The following GRIK1 variants were observed in gnomAD, a reference collection of about 807,000 sequenced individuals.
GRIK1 encodes glutamate ionotropic receptor kainate type subunit 1.
GRIK1 carries 69 observed loss-of-function variants against 105.7 expected under a neutral mutation model. That is an observed-to-expected ratio of 0.65 (90% confidence interval 0.54 to 0.80). The LOEUF is 0.80. Among genes scored for constraint, GRIK1 ranks in the 30% least tolerant of loss-of-function variants. The probability of loss-of-function intolerance (pLI) is 0.00; values close to 1 mark genes in which losing one functional copy is unlikely to be tolerated. For synonymous variants in GRIK1, 438 were observed against 431.3 expected, an observed-to-expected ratio of 1.02 and a Z score of -0.19; for missense variants, 1,109 against 1,167.3, an observed-to-expected ratio of 0.95 and a Z score of 0.73.
At chr21:29,919,543 T>G (rs1361701071) in intron 1 of GRIK1, among the ~76,000 whole-genome samples, 1 of 152,114 alleles carries the variant, frequency 6.6e-6, no homozygotes, top group Non-Finnish European at 1.5e-5. Flanking sequence ...AGCTTGGGAA[T>G]ATGAGAAACA....
In GRIK1 at chr21:29,560,364, T is replaced by TTTCTTC. The variant is rs2090394173; in HGVS notation, c.2356+1259_2356+1260insGAAGAA. Among the ~76,000 whole-genome samples the TTTCTTC allele has an allele frequency of 5.6e-4, 20 of 35,924 alleles. 2 individuals are homozygous for TTTCTTC. Among genetic ancestry groups the TTTCTTC allele is most frequent in the African/African-American group, 2.3e-3 (18 of 7,974 alleles). The allele number at this position is 35,924 out of a possible 152,430, so 23.6% of individuals were successfully genotyped here. ...CTTTCTTTCTTTCTTTCTTTTTCTTTCTTCCTTCCTTCCTTCCTTCCTTCC... is the reference window on the plus strand; with the variant it reads ...CTTTCTTTCTTTCTTTCTTTTTCTTTTTCTTCCTTCCTTCCTTCCTTCCTTCCTTCC... On this transcript the variant is annotated intron_variant, in intron 15 of 17. Transcript: ENST00000327783.
intron 1 of GRIK1, among the ~76,000 whole-genome samples, chr21:29,840,922 G>A (rs879238309): frequency 6.6e-6 from 1 of 152,038 alleles, no homozygotes; most frequent in Admixed American, 6.6e-5. Context: ...ATGGAGATTT[G>A]GCTTGAAAAA....
At chr21:29,736,681 T>C (rs898235712) in intron 1 of GRIK1, among the ~76,000 whole-genome samples, 2 of 150,960 alleles carry the variant, frequency 1.3e-5, no homozygotes, top group African/African-American at 4.9e-5. Flanking sequence ...TCTTTCCTTT[T>C]CTTTTTTTTT....
At chr21:29,870,543 ATACAT>A (rs2068972498) in intron 1 of GRIK1, among the ~76,000 whole-genome samples, 1 of 151,666 alleles carries the variant, frequency 6.6e-6, no homozygotes, top group African/African-American at 2.4e-5. Flanking sequence ...ATTTTATTAA[ATACAT>A]TACATTTAAT....
intron 1 of GRIK1, among the ~76,000 whole-genome samples, chr21:29,703,599 T>C (rs1003656486): frequency 6.6e-6 from 1 of 152,236 alleles, no homozygotes; most frequent in Non-Finnish European, 1.5e-5. Context: ...TTCGTATTTT[T>C]GTTTTATCTT....
chr21:29,577,598 G>A (rs1000110288), intron 13 of GRIK1, among the ~76,000 whole-genome samples: 1 of 152,104 alleles, frequency 6.6e-6, no homozygotes, highest in African/African-American at 2.4e-5. Context: ...TTTATTTAAG[G>A]TTAAAGAATG....
At position 29,939,414 on chromosome 21, in the gene GRIK1, G is replaced by T. The variant is rs758415950; in HGVS notation, c.87C>A (p.Leu29=). The T allele has an allele frequency of 3.2e-6, 5 of 1,571,640 alleles. No homozygotes were observed. The highest frequency in any genetic ancestry group is 3.5e-6 in the Non-Finnish European group (4 of 1,156,454). ...TGAGTACTTGCGGGGCGGTCTGAGG[G>T]AGGATATAGCAGAGGAAATAGAGGA... ...WALLYFLCYI[L]PQTAPQVLRI... Residue 29 remains leucine (L), a synonymous_variant, in exon 1 of 18, where the codon CTC becomes CTA. Transcript: ENST00000327783.
intron 11 of GRIK1, among the ~76,000 whole-genome samples, chr21:29,588,615 A>T (rs1013341125): frequency 9.9e-5 from 15 of 152,208 alleles, no homozygotes; most frequent in Non-Finnish European, 2.1e-4. Context: ...GAAGTTCTTT[A>T]TAGCAGTGTA....
Position 29,560,365 on chromosome 21 carries a change from C to CTTT in GRIK1, c.2356+1258_2356+1259insAAA, listed in dbSNP as rs1568813612. On this transcript the variant is annotated intron_variant, in intron 15 of 17. Transcript: ENST00000327783. ...TTTCTTTCTTTCTTTCTTTTTCTTT[C>CTTT]TTCCTTCCTTCCTTCCTTCCTTCCT... Among the ~76,000 whole-genome samples the CTTT allele has an allele frequency of 8.6e-3, 139 of 16,132 alleles. 22 individuals are homozygous for CTTT. The highest frequency in any genetic ancestry group is 0.018 in the East Asian group (10 of 554). 10.6% of individuals were successfully genotyped at this position (16,132 alleles called of 152,430 possible). A position where few individuals can be genotyped will look rare whatever the true frequency, so the allele number is the denominator to read the frequency against.
intron 1 of GRIK1, chr21:29,748,881 C>T (rs1406124983): frequency 6.6e-6 from 1 of 152,174 alleles, no homozygotes; most frequent in African/African-American, 2.4e-5. Flanking sequence ...AAAATTAAAA[C>T]CACAGACTCC....
intron 1 of GRIK1, among the ~76,000 whole-genome samples, chr21:29,906,318 C>T (rs1295827567): frequency 6.6e-6 from 1 of 152,036 alleles, no homozygotes; most frequent in African/African-American, 2.4e-5. Context: ...ATATCAAATA[C>T]CTTTACAGAT....
chr21:29,734,345 A>ACTTTTCTTTTCTTTTCTTTTCTTTT (rs541782706), intron 1 of GRIK1, among the ~76,000 whole-genome samples: 18 of 135,258 alleles, frequency 1.3e-4, no homozygotes, highest in African/African-American at 5.2e-4. Flanking sequence ...GGATCATAGC[A>ACTTTTCTTTTCTTTTCTTTTCTTTT]CTTTTCTTTT....
intron 1 of GRIK1, among the ~76,000 whole-genome samples, chr21:29,757,122 TA>T (rs1281799750): frequency 6.6e-6 from 1 of 151,672 alleles, no homozygotes; most frequent in African/African-American, 2.4e-5. Flanking sequence ...CATCTCAATA[TA>T]AAAAATAAAA....
intron 1 of GRIK1, among the ~76,000 whole-genome samples, chr21:29,914,597 T>C (rs924813704): frequency 3.3e-5 from 5 of 152,078 alleles, no homozygotes; most frequent in African/African-American, 1.2e-4. Flanking sequence ...CCAGTTTCCT[T>C]CCTTTTGGGA....
At chr21:29,741,529 T>G (rs1024773962) in intron 1 of GRIK1, among the ~76,000 whole-genome samples, 1 of 152,160 alleles carries the variant, frequency 6.6e-6, no homozygotes, top group Non-Finnish European at 1.5e-5. Flanking sequence ...GAAAACAGAC[T>G]TTCCTATTTC....
At position 29,926,832 on chromosome 21, in the gene GRIK1, T is replaced by C. The variant is rs376722080; in HGVS notation, c.118+12551A>G. 5.9e-5 allele frequency among the ~76,000 whole-genome samples: 9 copies of C among 152,308 alleles called. No homozygotes were observed. The East Asian group carries it at 1.3e-3, about 23-fold the overall frequency. ...AATTATTTATAACAGTTTTGTTGTG[T>C]TTTCTATGAAATTATGTTTTTCCCT... On this transcript the variant is annotated intron_variant, in intron 1 of 17. Transcript: ENST00000327783.
At chr21:29,888,161 T>TTTTCTTTC (rs11436370) in intron 1 of GRIK1, among the ~76,000 whole-genome samples, 7 of 7,306 alleles carry the variant, frequency 9.6e-4, no homozygotes, top group East Asian at 4.6e-3. Flanking sequence ...CTCCTTTCTT[T>TTTTCTTTC]TTTCTTTCTT....
chr21:29,734,598 C>T (rs2064738207), intron 1 of GRIK1, among the ~76,000 whole-genome samples: 1 of 151,880 alleles, frequency 6.6e-6, no homozygotes, highest in Non-Finnish European at 1.5e-5. Flanking sequence ...AGGGTTTCAC[C>T]ATGTTGCCCA....
chr21:29,862,017 TAG>T (rs2068658120), intron 1 of GRIK1, among the ~76,000 whole-genome samples: 1 of 152,182 alleles, frequency 6.6e-6, no homozygotes, highest in South Asian at 2.1e-4. Flanking sequence ...TTTTTAGAGA[TAG>T]AGTCTTGCCC....
Sources: gnomAD v4.1 joint callset for allele counts (sites outside exome capture counted in the v4.1 genomes callset) on GRCh38, gnomAD v4.1.1 for gene constraint, MANE v1.5 for transcripts, NCBI Gene and HGNC (gene_info 2026-07-23, HGNC 2026-07-21) for gene names.